Variants in PBLD observed in about 807,000 individuals in gnomAD.
The protein encoded by PBLD is phenazine biosynthesis like protein domain containing.
In PBLD, 26 loss-of-function variants were observed where a neutral mutation model predicts 31.3. That is an observed-to-expected ratio of 0.83 (90% confidence interval 0.61 to 1.15). PBLD has a LOEUF of 1.15. Among genes scored for constraint, PBLD ranks in the 50% most tolerant of loss-of-function variants. The pLI is 0.00. For synonymous variants in PBLD, 114 were observed against 129.0 expected (o/e 0.88, Z 0.79); for missense variants, 307 against 351.7 (o/e 0.87, Z 1.02).
At chr10:68,295,252 G>A (rs963746858) in intron 4 of PBLD, among the ~76,000 whole-genome samples, 5 of 152,090 alleles carry the variant, frequency 3.3e-5, no homozygotes, top group African/African-American at 1.2e-4. Context: ...CAGCACTTTG[G>A]GAGGCCAAGG....
intron 6 of PBLD, among the ~76,000 whole-genome samples, chr10:68,290,044 CATTT>C (rs1350351953): frequency 6.7e-6 from 1 of 149,034 alleles, no homozygotes; most frequent in Non-Finnish European, 1.5e-5. Context: ...CCAGGAACAT[CATTT>C]GTTTGTATGT....
intron 2 of PBLD, 140 bp downstream of exon 2, chr10:68,306,621 A>T: frequency 3.0e-6 from 2 of 660,220 alleles, no homozygotes; most frequent in South Asian, 5.7e-5. Context: ...CAACTTGCAT[A>T]CATGAACATT....
chr10:68,294,696 G>A (rs1045027004), intron 4 of PBLD, among the ~76,000 whole-genome samples: 1 of 152,180 alleles, frequency 6.6e-6, no homozygotes, highest in African/African-American at 2.4e-5. Flanking sequence ...CTACTCTGCA[G>A]TTCAATTTCT....
At chr10:68,318,252 C>T (rs1399934328) in intron 1 of PBLD, among the ~76,000 whole-genome samples, 2 of 151,138 alleles carry the variant, frequency 1.3e-5, no homozygotes, top group Admixed American at 6.6e-5. Context: ...ATAAACAGCA[C>T]CAGTAGACCA....
At position 68,283,114 on chromosome 10, in the gene PBLD, G is replaced by T. The variant is rs1362040609; in HGVS notation, c.*1063C>A. 1 of 151,062 alleles carries T rather than the reference G, an allele frequency of 6.6e-6. No homozygotes were observed. The highest frequency in any genetic ancestry group is 1.5e-5 in the Non-Finnish European group (1 of 67,896). 9.4% of individuals were successfully genotyped at this position (151,062 alleles called of 1,614,324 possible). On this transcript the variant is annotated 3_prime_UTR_variant, in exon 10 of 10. Transcript: ENST00000358769. Reference sequence around the variant, plus strand: ...GCCCAGGCTGGTCTCGAACTCCTAGGTTCAAGTGATCCTCCTGCCTTGTCC... The same window carrying T: ...GCCCAGGCTGGTCTCGAACTCCTAGTTTCAAGTGATCCTCCTGCCTTGTCC...
At chr10:68,319,265 G>T (rs904635552) in intron 1 of PBLD, among the ~76,000 whole-genome samples, 1 of 151,406 alleles carries the variant, frequency 6.6e-6, no homozygotes, top group Non-Finnish European at 1.5e-5. Flanking sequence ...GAACAACAAA[G>T]ACATGAGACA....
At chr10:68,289,122 A>G in intron 6 of PBLD, 103 bp from the exon 7 acceptor site, 1 of 843,266 alleles carries the variant, frequency 1.2e-6, no homozygotes, top group Non-Finnish European at 1.9e-6. Flanking sequence ...CTGTGAGCCA[A>G]GCATGCCCAT....
chr10:68,327,528 A>G (rs1013495486), intron 1 of PBLD, among the ~76,000 whole-genome samples: 8 of 151,896 alleles, frequency 5.3e-5, no homozygotes, highest in Non-Finnish European at 1.0e-4. Flanking sequence ...AAATACAAAA[A>G]TTAGCTGGGC....
intron 1 of PBLD, among the ~76,000 whole-genome samples, chr10:68,322,517 A>C (rs1219378952): frequency 6.6e-6 from 1 of 151,534 alleles, no homozygotes; most frequent in Non-Finnish European, 1.5e-5. Flanking sequence ...AAAAAAAAAA[A>C]AACAGGCATG....
At chr10:68,326,229 G>A (rs2044918341) in intron 1 of PBLD, among the ~76,000 whole-genome samples, 1 of 151,974 alleles carries the variant, frequency 6.6e-6, no homozygotes, top group Non-Finnish European at 1.5e-5. Flanking sequence ...TAGTAGAGAC[G>A]TGGTCTCACC....
chr10:68,291,915 G>T, intron 6 of PBLD, 95 bp downstream of exon 6: 1 of 1,301,550 alleles, frequency 7.7e-7, no homozygotes, highest in Non-Finnish European at 1.1e-6. Context: ...CATTTATATT[G>T]GTAAAATGCC....
At chr10:68,298,510 G>A (rs928371118) in intron 2 of PBLD, among the ~76,000 whole-genome samples, 2 of 152,078 alleles carry the variant, frequency 1.3e-5, no homozygotes, top group African/African-American at 4.8e-5. Flanking sequence ...TAGAGAAAGG[G>A]AATATGCATG....
chr10:68,288,989 T>C lies in PBLD; in HGVS notation c.454A>G (p.Ile152Val). Reference sequence around the variant, plus strand: ...TTTTGGGTATCTGGAGAATAACAGATGTCCTGGACCAGTGTGTTGCCTATG... The same window carrying C: ...TTTTGGGTATCTGGAGAATAACAGACGTCCTGGACCAGTGTGTTGCCTATG... ...TAIGNTLVQD[I>V]CYSPDTQKLL... is the part of the protein sequence containing the mutation. Residue 152 changes from isoleucine to valine, a missense_variant, in exon 7 of 10, where the codon ATC becomes GTC. Coordinates refer to ENST00000358769, the MANE Select transcript of PBLD (RefSeq NM_022129.4). 1 of 1,614,162 alleles carries C rather than the reference T, an allele frequency of 6.2e-7. No homozygotes were observed. Among genetic ancestry groups the C allele is most frequent in the Non-Finnish European group, 8.5e-7 (1 of 1,180,016 alleles).
At chr10:68,319,114 AAAAG>A (rs1004717973) in intron 1 of PBLD, among the ~76,000 whole-genome samples, 3 of 125,986 alleles carry the variant, frequency 2.4e-5, no homozygotes, top group Non-Finnish European at 3.4e-5. Flanking sequence ...AAAGAAAGGA[AAAAG>A]AAAGAAAGAG....
chr10:68,307,606 TCTC>T (rs2044599860), intron 1 of PBLD, among the ~76,000 whole-genome samples: 3 of 151,874 alleles, frequency 2.0e-5, no homozygotes, highest in Non-Finnish European at 4.4e-5. Context: ...TTCACGCAAT[TCTC>T]CTGCCTCAGC....
At position 68,292,230 on chromosome 10, in the gene PBLD, T is replaced by G. The variant is rs758366193; in HGVS notation, c.292A>C (p.Asn98His). The G allele has an allele frequency of 3.1e-6, 5 of 1,613,234 alleles. No homozygotes were observed. The highest frequency in any genetic ancestry group is 4.2e-6 in the Non-Finnish European group (5 of 1,179,918). Residue 98 changes from asparagine to histidine, a missense_variant, in exon 5 of 10, where the codon AAT (asparagine) becomes CAT (histidine). Physicochemically the swap from Asn to His is moderately conservative, Grantham distance 68. Coordinates refer to ENST00000358769, the MANE Select transcript of PBLD (RefSeq NM_022129.4). ...AVLFHKIKNM[N>H]STLTFVTLSG... ...AGAGTGACAAACGTGAGCGTGCTAT[T>G]CATGTTTTCTGGCCAAAATAGGAAT...
chr10:68,308,962 C>T (rs2044622588), intron 1 of PBLD, among the ~76,000 whole-genome samples: 1 of 149,502 alleles, frequency 6.7e-6, no homozygotes, highest in South Asian at 2.1e-4. Flanking sequence ...AATCAGAAAG[C>T]TTCCTTGTCC....
Position 68,288,472 on chromosome 10 carries a change from G to A in PBLD, c.691+11C>T, listed in dbSNP as rs760927426. The A allele has an allele frequency of 3.1e-6, 5 of 1,611,714 alleles. No individual in the cohort carries two copies. In the African/African-American group the frequency reaches 5.3e-5, roughly 17 times the overall value. On this transcript the variant is annotated intron_variant, in intron 8 of 9. Transcript: ENST00000358769. The stretch of plus-strand genomic sequence containing the variant: ...TTGTTTAACCCTCCCCTGGGCTCAA[G>A]TAAAAAGTACCTGTCACTGGGTCTT...
intron 1 of PBLD, among the ~76,000 whole-genome samples, chr10:68,324,715 A>T (rs150440150): frequency 6.6e-6 from 1 of 151,722 alleles, no homozygotes; most frequent in East Asian, 2.0e-4. Context: ...CACAGGCTCA[A>T]ACGATTCTCC....
Sources: gnomAD v4.1 joint callset for allele counts (sites outside exome capture counted in the v4.1 genomes callset) on GRCh38, gnomAD v4.1.1 for gene constraint, MANE v1.5 for transcripts, NCBI Gene and HGNC (gene_info 2026-07-23, HGNC 2026-07-21) for gene names.